The following EPM2A variants were observed in gnomAD, a reference collection of about 807,000 sequenced individuals.
The protein encoded by EPM2A is EPM2A glucan phosphatase, laforin.
A neutral mutation model predicts 26.5 loss-of-function variants in EPM2A; 21 were observed. That is an observed-to-expected ratio of 0.79 (90% confidence interval 0.56 to 1.14). The LOEUF (loss-of-function observed/expected upper bound fraction) is 1.14. EPM2A is among the 50% of genes most tolerant of loss of function. The pLI, the probability that EPM2A is intolerant of heterozygous loss-of-function variation, is 0.00. For missense variants in EPM2A, 458 were observed against 440.8 expected, an observed-to-expected ratio of 1.04 and a Z score of -0.35; for synonymous variants, 217 against 177.6, an observed-to-expected ratio of 1.22 and a Z score of -1.76.
chr6:145,509,155 G>C (rs1033366030), intron 2 of EPM2A, among the ~76,000 whole-genome samples: 3 of 152,120 alleles, frequency 2.0e-5, no homozygotes, highest in African/African-American at 7.2e-5. Context: ...AAGCAACTTG[G>C]AAAACATATT....
chr6:145,731,556 A>G (rs1313954991), intron 1 of EPM2A, among the ~76,000 whole-genome samples: 2 of 152,206 alleles, frequency 1.3e-5, no homozygotes, highest in Admixed American at 6.5e-5. Flanking sequence ...GTTCTCACTC[A>G]TAAGTGGGAG....
intron 4 of EPM2A, among the ~76,000 whole-genome samples, chr6:145,479,109 T>C (rs1379841868): frequency 1.3e-5 from 2 of 151,432 alleles, no homozygotes; most frequent in Non-Finnish European, 3.0e-5. Context: ...CTACCCATAA[T>C]GAGAAACTAT....
chr6:145,451,347 A>G (rs1284300913), intron 4 of EPM2A, among the ~76,000 whole-genome samples: 1 of 83,240 alleles, frequency 1.2e-5, no homozygotes, highest in African/African-American at 3.0e-5. Context: ...CAAAAAATGC[A>G]TTGGTAAAAA....
At chr6:145,537,644 T>C (rs1780450335) in intron 2 of EPM2A, among the ~76,000 whole-genome samples, 3 of 151,582 alleles carry the variant, frequency 2.0e-5, no homozygotes, top group Non-Finnish European at 4.4e-5. Context: ...TGCATGTACG[T>C]TACATAGGTA....
At chr6:145,699,843 G>A (rs1781815210) in intron 1 of EPM2A, among the ~76,000 whole-genome samples, 1 of 152,120 alleles carries the variant, frequency 6.6e-6, no homozygotes, top group Non-Finnish European at 1.5e-5. Context: ...GATTCATGAT[G>A]ATAAACATAT....
chr6:145,658,988 G>A (rs1000070971), intron 2 of EPM2A, among the ~76,000 whole-genome samples: 3 of 152,122 alleles, frequency 2.0e-5, no homozygotes, highest in South Asian at 2.1e-4. Context: ...TATAAGAGGC[G>A]TTAGTTAACT....
intron 1 of EPM2A, among the ~76,000 whole-genome samples, chr6:145,713,375 T>C (rs1394800312): frequency 1.3e-5 from 2 of 152,140 alleles, no homozygotes; most frequent in Non-Finnish European, 2.9e-5. Context: ...CCACTGAAAA[T>C]GGGCAGAGGA....
At chr6:145,686,070 A>C in intron 2 of EPM2A, 52 bp downstream of exon 2, 2 of 1,504,238 alleles carry the variant, frequency 1.3e-6, no homozygotes, top group Non-Finnish European at 1.9e-6. Context: ...CCATTGTGCT[A>C]ATGCTATCTC....
chr6:145,693,111 G>A (rs1191830620), intron 1 of EPM2A, among the ~76,000 whole-genome samples: 5 of 151,884 alleles, frequency 3.3e-5, no homozygotes, highest in Non-Finnish European at 7.4e-5. Context: ...TACAATTCTT[G>A]TTGCAGAATT....
intron 4 of EPM2A, among the ~76,000 whole-genome samples, chr6:145,406,013 CAACAGACAG>C (rs199880596): frequency 1.4e-5 from 2 of 145,028 alleles, no homozygotes; most frequent in African/African-American, 2.5e-5. Context: ...CACACACACA[CAACAGACAG>C]ACACACACAC....
intron 2 of EPM2A, chr6:145,682,419 C>T (rs1185373069): frequency 6.6e-6 from 1 of 152,172 alleles, no homozygotes; most frequent in African/African-American, 2.4e-5. Context: ...CTTGAATTCC[C>T]TTTCCCAAAT....
rs920331506 is a variant in EPM2A at position 145,387,034 on chromosome 6, T to C, written c.556-2937A>G. 2.0e-5 allele frequency among the ~76,000 whole-genome samples: 3 copies of C among 152,176 alleles called. 1 individual carries two copies. The highest frequency in any genetic ancestry group is 4.1e-4 in the South Asian group (2 of 4,834). ...AAAGTCATCAGATACCCACTTGTTT[T>C]GGGGCAAAATTTCTTGGCCAAACCC... On this transcript the variant is annotated intron_variant, in intron 4 of 4. Transcript: ENST00000638717.
rs200940083 is a variant in EPM2A, at chr6:145,686,198, C to T, written c.400G>A (p.Gly134Arg). ...LPIGHWIEAT[G>R]HTNEMKHTTD... ...GTGTGCTTCATTTCATTGGTGTGCC[C>T]AGTGGCCTCAATCCAGTGTCCTATT... is the stretch of plus-strand genomic sequence containing the variant. Residue 134 changes from glycine (G) to arginine (R), a missense_variant, in exon 2 of 4, where the codon GGG (glycine) becomes AGG (arginine). Coordinates refer to ENST00000367519, the MANE Select transcript of EPM2A (RefSeq NM_005670.4). 1.2e-6 allele frequency: 2 copies of T among 1,613,708 alleles called. No individual in the cohort carries two copies. The highest frequency in any genetic ancestry group is 3.3e-4 in the Middle Eastern group (2 of 6,058).
intron 4 of EPM2A, among the ~76,000 whole-genome samples, chr6:145,488,794 C>A (rs1779713120): frequency 6.6e-6 from 1 of 151,892 alleles, no homozygotes; most frequent in East Asian, 1.9e-4. Context: ...TAGTAAAATA[C>A]TAGTGCAACT....
intron 2 of EPM2A, among the ~76,000 whole-genome samples, chr6:145,646,334 T>A (rs374837445): frequency 8.6e-5 from 13 of 151,844 alleles, no homozygotes; most frequent in Middle Eastern, 3.4e-3. Flanking sequence ...TTTTTTTTTT[T>A]AATTTTTTAT....
intron 2 of EPM2A, among the ~76,000 whole-genome samples, chr6:145,645,351 G>A (rs755416245): frequency 3.9e-5 from 6 of 152,136 alleles, no homozygotes; most frequent in Admixed American, 3.9e-4. Flanking sequence ...TTATTGCTCA[G>A]GCTGGAGTAC....
intron 2 of EPM2A, among the ~76,000 whole-genome samples, chr6:145,653,238 C>T (rs908579887): frequency 4.6e-5 from 7 of 152,246 alleles, no homozygotes; most frequent in South Asian, 2.1e-4. Context: ...ATAATGGGGG[C>T]GGGTTTCCCC....
At chr6:145,505,153 C>A (rs1465225922) in intron 2 of EPM2A, among the ~76,000 whole-genome samples, 1 of 145,346 alleles carries the variant, frequency 6.9e-6, no homozygotes, top group East Asian at 2.1e-4. Flanking sequence ...CTAGATGACG[C>A]GTTAGTGGGT....
At chr6:145,641,066 T>C (rs1363615299) in intron 2 of EPM2A, 2 of 152,248 alleles carry the variant, frequency 1.3e-5, no homozygotes, top group Non-Finnish European at 2.9e-5. Context: ...GGGGATGTAC[T>C]GTGTAGTTTA....
Sources: allele counts gnomAD v4.1 joint callset (sites outside exome capture counted in the v4.1 genomes callset), GRCh38; gene constraint gnomAD v4.1.1; transcripts MANE v1.5; gene names NCBI Gene and HGNC (gene_info 2026-07-23, HGNC 2026-07-21).